WDR72: variants seen among roughly 807,000 people sequenced by gnomAD.
WDR72 encodes WD repeat domain 72.
Under a neutral mutation model 124.2 loss-of-function variants are expected in WDR72, and 120 were observed. That is an observed-to-expected ratio of 0.97 (90% CI 0.83 to 1.12). The LOEUF (loss-of-function observed/expected upper bound fraction) is 1.12, where lower values mean the gene tolerates loss of function less well. WDR72 is among the 50% of genes most tolerant of loss of function. WDR72 has a pLI of 0.00. For synonymous variants in WDR72, 452 were observed against 441.7 expected (o/e 1.02, Z -0.29); for missense variants, 1,387 against 1,278.8 (o/e 1.08, Z -1.29).
At chr15:53,694,424 C>G (rs927496744) in intron 13 of WDR72, among the ~76,000 whole-genome samples, 1 of 152,158 alleles carries the variant, frequency 6.6e-6, no homozygotes, top group African/African-American at 2.4e-5. Flanking sequence ...AATCTGTCAT[C>G]TGAGAAATCA....
Position 53,742,131 on chromosome 15 carries a change from C to T in WDR72, c.-12-8970G>A, listed in dbSNP as rs556937330. ...GAACTGATTAAAAGCTTGCACATAT[C>T]AGAAGTCACTTTCTTCAGACTCTTT... On this transcript the variant is annotated intron_variant, in intron 1 of 19. Transcript: ENST00000360509. 5.3e-5 allele frequency among the ~76,000 whole-genome samples: 8 copies of T among 152,310 alleles called. No individual in the cohort carries two copies. In the South Asian group the frequency reaches 1.7e-3, roughly 32 times the overall value.
chr15:53,755,661 G>C (rs74015927), intron 1 of WDR72, among the ~76,000 whole-genome samples: 6,144 of 152,236 alleles, frequency 0.04, 424 homozygotes, highest in African/African-American at 0.14. Flanking sequence ...TGAGATGAAG[G>C]CCCCACTTCC....
chr15:53,650,178 A>G (rs2015181684), intron 14 of WDR72, among the ~76,000 whole-genome samples: 1 of 152,190 alleles, frequency 6.6e-6, no homozygotes. Flanking sequence ...AAGTGAAATA[A>G]GCAGTCACAG....
At chr15:53,693,752 T>C (rs2016916808) in intron 13 of WDR72, among the ~76,000 whole-genome samples, 1 of 152,230 alleles carries the variant, frequency 6.6e-6, no homozygotes. Context: ...ACACCTGTGG[T>C]GAAAATAACT....
intron 18 of WDR72, among the ~76,000 whole-genome samples, chr15:53,528,731 T>C (rs1180639171): frequency 6.6e-6 from 1 of 152,038 alleles, no homozygotes; most frequent in Admixed American, 6.6e-5. Context: ...AATCTGTCTA[T>C]AGCAAACTTC....
At position 53,613,671 on chromosome 15, in the gene WDR72, C is replaced by T. The variant is rs375717196; in HGVS notation, c.2867G>A (p.Arg956Gln). 42 of 1,607,206 alleles carry T rather than the reference C, an allele frequency of 2.6e-5. No individual in the cohort carries two copies. Among genetic ancestry groups the T allele is most frequent in the Non-Finnish European group, 2.9e-5 (34 of 1,175,306 alleles). The change falls in exon 16 of 20, where the codon CGA (arginine) becomes CAA (glutamine). Residue 956 changes from arginine (R) to glutamine (Q), a missense_variant. Transcript: ENST00000360509. ...LNMSSFYSCL[R>Q]NGKNESHVPE... ...TGTGCCAGTAACTCTCTTACCATTT[C>T]GTAAGCAACTGTAGAAGCTTGACAT...
intron 14 of WDR72, among the ~76,000 whole-genome samples, chr15:53,622,706 A>C (rs529600836): frequency 2.3e-4 from 35 of 152,138 alleles, no homozygotes; most frequent in Non-Finnish European, 3.7e-4. Context: ...GGGTTTCTAC[A>C]GGCACAGCAA....
chr15:53,618,473 C>T (rs527595124), intron 14 of WDR72, among the ~76,000 whole-genome samples: 1 of 152,004 alleles, frequency 6.6e-6, no homozygotes, highest in East Asian at 1.9e-4. Context: ...AGAATTTTGT[C>T]AATTTTGATA....
chr15:53,609,633 A>G, intron 16 of WDR72, 41 bp from the exon 17 acceptor site: 1 of 1,537,284 alleles, frequency 6.5e-7, no homozygotes, highest in Non-Finnish European at 9.0e-7. Flanking sequence ...TAGAGTATTA[A>G]AAATGGATAA....
At chr15:53,698,124 G>T (rs531065442) in intron 13 of WDR72, among the ~76,000 whole-genome samples, 3 of 152,258 alleles carry the variant, frequency 2.0e-5, no homozygotes, top group Admixed American at 6.5e-5. Flanking sequence ...TTAAAATACA[G>T]AATGGGAATA....
chr15:53,636,815 C>G (rs367938233), intron 14 of WDR72, among the ~76,000 whole-genome samples: 1 of 152,170 alleles, frequency 6.6e-6, no homozygotes, highest in African/African-American at 2.4e-5. Flanking sequence ...CTTTTAAACC[C>G]AGGTCATTCT....
At chr15:53,548,547 T>C (rs551781768) in intron 18 of WDR72, among the ~76,000 whole-genome samples, 28 of 151,906 alleles carry the variant, frequency 1.8e-4, no homozygotes, top group Non-Finnish European at 3.4e-4. Flanking sequence ...TACTAATTTA[T>C]AAAGGCAATG....
intron 18 of WDR72, among the ~76,000 whole-genome samples, chr15:53,548,624 T>A (rs1004683646): frequency 2.6e-5 from 4 of 151,294 alleles, no homozygotes; most frequent in African/African-American, 9.7e-5. Context: ...AATGATTTTC[T>A]GACCATGTCA....
chr15:53,588,417 A>T (rs2012330569), intron 18 of WDR72, among the ~76,000 whole-genome samples: 1 of 152,054 alleles, frequency 6.6e-6, no homozygotes, highest in Admixed American at 6.6e-5. Context: ...AAAGTAATAT[A>T]AATGAAAATG....
Position 53,700,784 on chromosome 15 carries a change from A to C in WDR72, c.1570-839T>G, listed in dbSNP as rs115171039. On this transcript the variant is annotated intron_variant, in intron 12 of 19. Coordinates refer to ENST00000360509, the MANE Select transcript of WDR72 (RefSeq NM_182758.4). ...AAATCGTAAGGAAAAAAAAAATCAC[A>C]AAATGGCAGGTGTGATAGATCTGGA... Among the ~76,000 whole-genome samples, 807 of 152,300 alleles carry C rather than the reference A, an allele frequency of 5.3e-3. 7 individuals are homozygous for C. The highest frequency in any genetic ancestry group is 0.019 in the African/African-American group (771 of 41,568).
intron 14 of WDR72, among the ~76,000 whole-genome samples, chr15:53,647,716 G>C (rs1169609224): frequency 6.6e-6 from 1 of 152,042 alleles, no homozygotes; most frequent in African/African-American, 2.4e-5. Flanking sequence ...GAGTGAATAA[G>C]AAATAATAAA....
At chr15:53,750,488 A>T (rs1054650390) in intron 1 of WDR72, among the ~76,000 whole-genome samples, 1 of 152,236 alleles carries the variant, frequency 6.6e-6, no homozygotes, top group East Asian at 1.9e-4. Flanking sequence ...TGCTGTTTTC[A>T]TGCTTGCTAA....
chr15:53,736,601 G>T (rs1261327072), intron 1 of WDR72, among the ~76,000 whole-genome samples: 1 of 152,170 alleles, frequency 6.6e-6, no homozygotes, highest in Non-Finnish European at 1.5e-5. Flanking sequence ...GCCCAAGGAG[G>T]ATAGGAAGGC....
intron 18 of WDR72, among the ~76,000 whole-genome samples, chr15:53,592,624 C>T (rs1318878454): frequency 3.3e-5 from 5 of 152,038 alleles, no homozygotes; most frequent in Non-Finnish European, 5.9e-5. Flanking sequence ...ATATTTGATG[C>T]ATCGTTTTCA....
Sources: gnomAD v4.1 joint callset for allele counts (sites outside exome capture counted in the v4.1 genomes callset) on GRCh38, gnomAD v4.1.1 for gene constraint, MANE v1.5 for transcripts, NCBI Gene and HGNC (gene_info 2026-07-23, HGNC 2026-07-21) for gene names.